The following SLC5A9 variants were observed in gnomAD, a reference collection of about 807,000 sequenced individuals.
The protein encoded by SLC5A9 is solute carrier family 5 member 9.
In SLC5A9, 59 loss-of-function variants were observed where a neutral mutation model predicts 70.9. The ratio of observed to expected loss-of-function variants is 0.83; its 90% confidence interval spans 0.68 to 1.03. SLC5A9 has a LOEUF of 1.03. Among genes scored for constraint, SLC5A9 ranks in the 50% least tolerant of loss-of-function variants. The pLI, the probability that SLC5A9 is intolerant of heterozygous loss-of-function variation, is 0.00. For synonymous variants in SLC5A9, 340 were observed against 346.5 expected (o/e 0.98, Z 0.21); for missense variants, 832 against 881.1 (o/e 0.94, Z 0.71).
rs748495557 is a variant in SLC5A9 at position 48,229,479 on chromosome 1, G to T, written c.504+20G>T. 1 of 1,612,182 alleles carries T rather than the reference G, an allele frequency of 6.2e-7. No individual in the cohort carries two copies. Among genetic ancestry groups the T allele is most frequent in the Non-Finnish European group, 8.5e-7 (1 of 1,178,564 alleles). ...ATCTCGGTAGGTGTCACTGCAATGT[G>T]GTCACTGTGTCTGGAAATGCTAATT... On this transcript the variant is annotated intron_variant, in intron 4 of 13. Coordinates refer to ENST00000438567, the MANE Select transcript of SLC5A9 (RefSeq NM_001011547.3).
chr1:48,236,331 A>T (rs981924764), intron 10 of SLC5A9, among the ~76,000 whole-genome samples: 2 of 152,170 alleles, frequency 1.3e-5, no homozygotes, highest in African/African-American at 2.4e-5. Flanking sequence ...CGGATGGGTC[A>T]TATGGCCCTG....
At chr1:48,231,724 A>T (rs750500646) in intron 6 of SLC5A9, 99 bp downstream of exon 6, 101 of 1,543,640 alleles carry the variant, frequency 6.5e-5, no homozygotes, top group Non-Finnish European at 8.2e-5. Context: ...TCCAGTGCAT[A>T]GAGCCATGTG....
intron 4 of SLC5A9, among the ~76,000 whole-genome samples, chr1:48,229,938 T>A (rs1445392652): frequency 6.6e-6 from 1 of 152,190 alleles, no homozygotes; most frequent in Non-Finnish European, 1.5e-5. Context: ...TTTTAGACCC[T>A]GTAACAGGTT....
In SLC5A9 at chr1:48,232,319, G is replaced by A. The variant is rs535243525; in HGVS notation, c.898-48G>A. 6.9e-6 allele frequency: 11 copies of A among 1,604,284 alleles called. No homozygotes were observed. In the East Asian group the frequency reaches 1.3e-4, roughly 20 times the overall value. On this transcript the variant is annotated intron_variant, in intron 7 of 13. Transcript: ENST00000438567. ...TGTCAGGGCTCACCTGTGGCTTAAT[G>A]AGCCTCTCCTCTACCTGCGCTGCAC...
At chr1:48,234,369 C>T (rs546633829) in intron 9 of SLC5A9, among the ~76,000 whole-genome samples, 1 of 152,200 alleles carries the variant, frequency 6.6e-6, no homozygotes, top group African/African-American at 2.4e-5. Flanking sequence ...TGGGACACTG[C>T]GGGGTTTTGG....
chr1:48,230,642 G>C lies in SLC5A9; in HGVS notation c.547G>C (p.Gly183Arg). 6.2e-7 allele frequency: 1 copy of C among 1,614,114 alleles called. No homozygotes were observed. Among genetic ancestry groups the C allele is most frequent in the Non-Finnish European group, 8.5e-7 (1 of 1,180,018 alleles). ...SGALFIQMAL[G>R]WNLYLSTGIL... ...AGCCCTCTTCATCCAGATGGCATTGGGCTGGAACCTGTACCTCTCCACAGG... is the reference window on the plus strand; with the variant it reads ...AGCCCTCTTCATCCAGATGGCATTGCGCTGGAACCTGTACCTCTCCACAGG... Residue 183 changes from glycine (G) to arginine (R), a missense_variant, in exon 5 of 14, where the codon GGC (glycine) becomes CGC (arginine). By Grantham distance (125) the Gly-to-Arg change is moderately radical (BLOSUM62 -2). Coordinates refer to ENST00000438567, the MANE Select transcript of SLC5A9 (RefSeq NM_001011547.3).
At chr1:48,226,387 G>A (rs1644147198) in intron 2 of SLC5A9, among the ~76,000 whole-genome samples, 1 of 152,056 alleles carries the variant, frequency 6.6e-6, no homozygotes, top group African/African-American at 2.4e-5. Context: ...CTCCAAACAA[G>A]AGGGAGGCCT....
chr1:48,232,514 C>G lies in SLC5A9; in HGVS notation c.1033+12C>G. 6.2e-7 allele frequency: 1 copy of G among 1,613,818 alleles called. No individual in the cohort carries two copies. Among genetic ancestry groups the G allele is most frequent in the Non-Finnish European group, 8.5e-7 (1 of 1,179,864 alleles). On this transcript the variant is annotated intron_variant, in intron 8 of 13. Transcript: ENST00000438567. ...GGCCCTGTTCCCAGGTAAGAACGAG[C>G]CTTGCTCTCTGGGTATTGGGATCTG... is the stretch of plus-strand genomic sequence containing the variant.
chr1:48,245,356 G>T (rs1259552681), intron 13 of SLC5A9, among the ~76,000 whole-genome samples: 5 of 152,036 alleles, frequency 3.3e-5, no homozygotes, highest in African/African-American at 1.2e-4. Context: ...TCCCCAGCTG[G>T]TCCCCATGCC....
chr1:48,230,550 C>A, intron 4 of SLC5A9, 50 bp from the exon 5 acceptor site: 1 of 1,337,450 alleles, frequency 7.5e-7, no homozygotes, highest in Non-Finnish European at 1.1e-6. Context: ...CCATACAACC[C>A]TACTGAGGGC....
chr1:48,236,285 TCTA>T (rs1436865914), intron 10 of SLC5A9, among the ~76,000 whole-genome samples: 1 of 152,174 alleles, frequency 6.6e-6, no homozygotes, highest in African/African-American at 2.4e-5. Flanking sequence ...ACTCTGAACA[TCTA>T]CTGTGCATCA....
chr1:48,232,115 C>T lies in SLC5A9; in HGVS notation c.861C>T (p.Leu287=). The change falls in exon 7 of 14, where the codon CTC becomes CTT. Residue 287 remains leucine, a synonymous_variant. Transcript: ENST00000438567. ...DIPWPGLIFG[L]TVLATWCWCT... The stretch of plus-strand genomic sequence containing the variant: ...CTTGGCCAGGTCTCATTTTCGGGCT[C>T]ACAGTGCTGGCCACCTGGTGTTGGT... 1 of 1,614,116 alleles carries T rather than the reference C, an allele frequency of 6.2e-7. No homozygotes were observed. Among genetic ancestry groups the T allele is most frequent in the Non-Finnish European group, 8.5e-7 (1 of 1,179,988 alleles).
At chr1:48,231,450 T>C in intron 5 of SLC5A9, 95 bp from the exon 6 acceptor site, 1 of 1,473,338 alleles carries the variant, frequency 6.8e-7, no homozygotes, top group South Asian at 1.3e-5. Context: ...CTGTGTGTCT[T>C]CTCTGGTCTC....
chr1:48,241,484 A>C (rs1644389798), intron 12 of SLC5A9, among the ~76,000 whole-genome samples: 1 of 152,224 alleles, frequency 6.6e-6, no homozygotes. Context: ...CATGCACCAG[A>C]AAGCTGCCTT....
In SLC5A9 at chr1:48,247,599, C is replaced by A; in HGVS notation, c.*56C>A. 6.5e-7 allele frequency: 1 copy of A among 1,537,718 alleles called. No homozygotes were observed. Among genetic ancestry groups the A allele is most frequent in the South Asian group, 1.1e-5 (1 of 89,554 alleles). The stretch of plus-strand genomic sequence containing the variant: ...TTAAACAAAGCCCAAGCCTGTCAGC[C>A]ACAGAAACAGGCTCTCCTCTTACTT... On this transcript the variant is annotated 3_prime_UTR_variant, in exon 14 of 14. Transcript: ENST00000438567.
chr1:48,241,794 G>A (rs1221262334), intron 12 of SLC5A9: 9 of 391,238 alleles, frequency 2.3e-5, no homozygotes, highest in South Asian at 1.5e-4. Context: ...TCCTTGTCCT[G>A]TGTTCTCTAT....
At position 48,232,388 on chromosome 1, in the gene SLC5A9, T is replaced by C. The variant is rs751475157; in HGVS notation, c.919T>C (p.Ser307Pro). The change falls in exon 8 of 14, where the codon TCG (serine) becomes CCG (proline). Residue 307 changes from serine to proline, a missense_variant. Coordinates refer to ENST00000438567, the MANE Select transcript of SLC5A9 (RefSeq NM_001011547.3). ...TCAGGTCATTGTGCAGCGGTCTCTC[T>C]CGGCCAAGAGTCTGTCTCATGCCAA... ...TDQVIVQRSL[S>P]AKSLSHAKGG... is the part of the protein sequence containing the mutation. The C allele has an allele frequency of 3.7e-6, 6 of 1,614,126 alleles. No homozygotes were observed. The highest frequency in any genetic ancestry group is 5.1e-6 in the Non-Finnish European group (6 of 1,180,024).
At position 48,228,847 on chromosome 1, in the gene SLC5A9, C is replaced by A. The variant is rs770618857; in HGVS notation, c.235-3C>A. 3.1e-6 allele frequency: 5 copies of A among 1,613,694 alleles called. No homozygotes were observed. The highest frequency in any genetic ancestry group is 4.2e-6 in the Non-Finnish European group (5 of 1,179,876). ...TGACCCTTGACCCAACTGTGCCTTG[C>A]AGATTGGAGCATCTCTGATGTCCAG... On this transcript the variant is annotated splice_region_variant and splice_polypyrimidine_tract_variant and intron_variant, in intron 2 of 13. Transcript: ENST00000438567.
Position 48,231,998 on chromosome 1 carries a change from C to A in SLC5A9, c.744C>A (p.Ala248=). 6.2e-7 allele frequency: 1 copy of A among 1,614,188 alleles called. No individual in the cohort carries two copies. Among genetic ancestry groups the A allele is most frequent in the Non-Finnish European group, 8.5e-7 (1 of 1,180,030 alleles). ...GCCTGGAGCAGCGGTACAGGCAGGC[C>A]ATCCCTAATGTCACAGTCCCCAACA... ...YPGLEQRYRQ[A]IPNVTVPNTT... The change falls in exon 7 of 14, where the codon GCC becomes GCA. Residue 248 remains alanine, a synonymous_variant. Coordinates refer to ENST00000438567, the MANE Select transcript of SLC5A9 (RefSeq NM_001011547.3).
Sources: allele counts gnomAD v4.1 joint callset (sites outside exome capture counted in the v4.1 genomes callset), GRCh38; gene constraint gnomAD v4.1.1; transcripts MANE v1.5; gene names NCBI Gene and HGNC (gene_info 2026-07-23, HGNC 2026-07-21).